AUTS2: variants seen among roughly 807,000 people sequenced by gnomAD.
The protein encoded by AUTS2 is activator of transcription and developmental regulator AUTS2, also known as autism susceptibility gene 2 protein.
AUTS2 carries 17 observed loss-of-function variants against 112.4 expected under a neutral mutation model. That is an observed-to-expected ratio of 0.15 (90% CI 0.10 to 0.23). AUTS2 has a LOEUF of 0.23. Among genes scored for constraint, AUTS2 ranks in the 10% least tolerant of loss-of-function variants. The pLI is 1.00. For synonymous variants in AUTS2, 751 were observed against 702.7 expected (o/e 1.07, Z -1.09); for missense variants, 1,510 against 1,701.6 (o/e 0.89, Z 1.98).
chr7:70,084,608 G>A (rs1803495275), intron 2 of AUTS2, among the ~76,000 whole-genome samples: 1 of 152,096 alleles, frequency 6.6e-6, no homozygotes, highest in Non-Finnish European at 1.5e-5. Context: ...TTGTGGTCTT[G>A]AATTGCATTT....
At chr7:70,633,895 T>A (rs1805400587) in intron 5 of AUTS2, among the ~76,000 whole-genome samples, 1 of 152,158 alleles carries the variant, frequency 6.6e-6, no homozygotes, top group Non-Finnish European at 1.5e-5. Context: ...TGTTCATCAT[T>A]GTCGGATGCT....
chr7:69,781,762 A>G (rs1387494859), intron 1 of AUTS2, among the ~76,000 whole-genome samples: 1 of 152,028 alleles, frequency 6.6e-6, no homozygotes, highest in Non-Finnish European at 1.5e-5. Flanking sequence ...ACTTGTTGCA[A>G]AGGCCACACA....
intron 5 of AUTS2, among the ~76,000 whole-genome samples, chr7:70,666,960 G>A (rs1427260534): frequency 7.3e-6 from 1 of 136,640 alleles, no homozygotes; most frequent in African/African-American, 2.9e-5. Context: ...TGTGTTCCTA[G>A]TGCCGTCTTC....
chr7:70,161,088 C>A (rs769019819), intron 4 of AUTS2, among the ~76,000 whole-genome samples: 3 of 152,184 alleles, frequency 2.0e-5, no homozygotes, highest in Admixed American at 6.5e-5. Flanking sequence ...CTATCTCTCT[C>A]TCTCCTTTTT....
chr7:70,743,467 T>TC (rs1788241871), intron 6 of AUTS2, among the ~76,000 whole-genome samples: 1 of 39,122 alleles, frequency 2.6e-5, no homozygotes, highest in African/African-American at 1.0e-4. Flanking sequence ...AGACTCTGTC[T>TC]CAAAAAAAAA....
At chr7:70,349,043 T>C (rs1791632482) in intron 4 of AUTS2, among the ~76,000 whole-genome samples, 1 of 152,196 alleles carries the variant, frequency 6.6e-6, no homozygotes, top group South Asian at 2.1e-4. Context: ...TTTATACTCA[T>C]CTCATCTAAT....
intron 1 of AUTS2, among the ~76,000 whole-genome samples, chr7:69,665,493 C>T (rs1046421207): frequency 2.0e-5 from 3 of 152,130 alleles, no homozygotes. Context: ...CAAAACTGAA[C>T]CACAGAAGTA....
chr7:70,752,637 A>G (rs1414350275), intron 6 of AUTS2, among the ~76,000 whole-genome samples: 1 of 152,174 alleles, frequency 6.6e-6, no homozygotes, highest in African/African-American at 2.4e-5. Flanking sequence ...GGCCTAACAC[A>G]AAGATAGGCA....
Position 70,006,497 on chromosome 7 carries a change from C to T in AUTS2, c.522+106999C>T, listed in dbSNP as rs371754988. ...GAACATGGGCTGCACGTTTCTTTTG[C>T]TGTTGGAGGAGTGAAAAGCTGTTTC... On this transcript the variant is annotated intron_variant, in intron 2 of 18. Coordinates refer to ENST00000342771, the MANE Select transcript of AUTS2 (RefSeq NM_015570.4). 2.8e-4 allele frequency among the ~76,000 whole-genome samples: 43 copies of T among 152,296 alleles called. No individual in the cohort carries two copies. In the East Asian group the frequency reaches 8.1e-3, roughly 29 times the overall value.
chr7:70,003,667 A>T (rs1452586830), intron 2 of AUTS2, among the ~76,000 whole-genome samples: 2 of 126,646 alleles, frequency 1.6e-5, no homozygotes, highest in East Asian at 2.3e-4. Context: ...AATATATATA[A>T]TATATATGAA....
At chr7:70,219,631 G>A (rs897346088) in intron 4 of AUTS2, among the ~76,000 whole-genome samples, 2 of 151,106 alleles carry the variant, frequency 1.3e-5, no homozygotes, top group Non-Finnish European at 2.9e-5. Flanking sequence ...GAGTGCAGTG[G>A]CATGATCTTG....
chr7:70,471,577 TTATAGGCGCTGGGGATATTAA>T (rs1254232956), intron 5 of AUTS2, among the ~76,000 whole-genome samples: 10 of 152,166 alleles, frequency 6.6e-5, no homozygotes, highest in Non-Finnish European at 1.5e-4. Flanking sequence ...TTAGGCACTA[TTATAGGCGCTGGGGATATTAA>T]TATCTCTCTC....
At chr7:69,981,520 A>G (rs147022106) in intron 2 of AUTS2, among the ~76,000 whole-genome samples, 106 of 152,368 alleles carry the variant, frequency 7.0e-4, no homozygotes, top group African/African-American at 2.4e-3. Flanking sequence ...TATAATCAAT[A>G]TGATCACTGT....
At chr7:70,632,431 T>A (rs1805310407) in intron 5 of AUTS2, among the ~76,000 whole-genome samples, 1 of 152,004 alleles carries the variant, frequency 6.6e-6, no homozygotes, top group Non-Finnish European at 1.5e-5. Context: ...TGGGCTCCAA[T>A]GGAGGGTGGA....
chr7:69,757,466 G>T (rs1787987785), intron 1 of AUTS2, among the ~76,000 whole-genome samples: 1 of 152,172 alleles, frequency 6.6e-6, no homozygotes. Context: ...TGTTTGGGCA[G>T]GGTTTTGTCA....
At chr7:70,784,742 T>TA (rs71077682) in intron 15 of AUTS2, 200 bp from the exon 16 acceptor site, 336 of 280,936 alleles carry the variant, frequency 1.2e-3, no homozygotes, top group African/African-American at 5.5e-3. Flanking sequence ...TTCTGCTTCC[T>TA]AAAAAAAAAA....
chr7:70,609,481 G>A (rs111427422), intron 5 of AUTS2, among the ~76,000 whole-genome samples: 1,604 of 143,566 alleles, frequency 0.011, 30 homozygotes, highest in African/African-American at 0.039. Context: ...TGCAAACTCT[G>A]CCTCCCAGGT....
At chr7:70,347,557 C>T (rs1002846113) in intron 4 of AUTS2, among the ~76,000 whole-genome samples, 1 of 152,102 alleles carries the variant, frequency 6.6e-6, no homozygotes, top group Non-Finnish European at 1.5e-5. Flanking sequence ...ATAATACAGA[C>T]AGGAAACCAG....
intron 1 of AUTS2, among the ~76,000 whole-genome samples, chr7:69,726,621 C>T (rs983166499): frequency 2.0e-5 from 3 of 151,736 alleles, no homozygotes; most frequent in African/African-American, 7.3e-5. Context: ...TAAGAAACTG[C>T]CAAACAGTTT....
Sources: allele counts gnomAD v4.1 joint callset (sites outside exome capture counted in the v4.1 genomes callset), GRCh38; gene constraint gnomAD v4.1.1; transcripts MANE v1.5; gene names NCBI Gene and HGNC (gene_info 2026-07-23, HGNC 2026-07-21).